Variants in TMEM17 observed in about 807,000 individuals in gnomAD.
TMEM17 encodes transmembrane protein 17.
In TMEM17, 15 loss-of-function variants were observed where a neutral mutation model predicts 19.1. That is an observed-to-expected ratio of 0.78 (90% CI 0.52 to 1.21). The LOEUF (loss-of-function observed/expected upper bound fraction) is 1.21. TMEM17 is among the 50% of genes most tolerant of loss of function. TMEM17 has a pLI of 0.00. For synonymous variants in TMEM17, 103 were observed against 86.9 expected (o/e 1.19, Z -1.03); for missense variants, 245 against 242.3 (o/e 1.01, Z -0.07).
chr2:62,482,614 G>T, the TMEM17 span, among the ~76,000 whole-genome samples: 3 of 152,142 alleles, frequency 2.0e-5, no homozygotes, highest in Non-Finnish European at 4.4e-5. Context: ...GATAGGCCTT[G>T]ACCCAGGCTG....
chr2:62,503,799 A>T (rs578163290), intron 1 of TMEM17, among the ~76,000 whole-genome samples: 1 of 152,372 alleles, frequency 6.6e-6, no homozygotes, highest in African/African-American at 2.4e-5. Context: ...AATATCAAAT[A>T]CACATAAGAA....
At chr2:62,455,042 T>C in the TMEM17 span, among the ~76,000 whole-genome samples, 2 of 152,180 alleles carry the variant, frequency 1.3e-5, no homozygotes, top group Non-Finnish European at 1.5e-5. Context: ...TTGCATATCA[T>C]AAAATTCATT....
the TMEM17 span, among the ~76,000 whole-genome samples, chr2:62,480,819 A>G: frequency 6.6e-6 from 1 of 152,098 alleles, no homozygotes; most frequent in Non-Finnish European, 1.5e-5. Flanking sequence ...AGCTTTGAAT[A>G]TTTGCAGGAC....
the TMEM17 span, among the ~76,000 whole-genome samples, chr2:62,458,290 G>T: frequency 1.3e-5 from 2 of 152,332 alleles, no homozygotes; most frequent in Middle Eastern, 3.4e-3. Flanking sequence ...GATGGAGCAC[G>T]ACAGGAAATG....
the TMEM17 span, among the ~76,000 whole-genome samples, chr2:62,492,609 CTCTGAGT>C: frequency 6.6e-6 from 1 of 152,222 alleles, no homozygotes; most frequent in African/African-American, 2.4e-5. Flanking sequence ...GAGGCAGGAG[CTCTGAGT>C]TCTAACAACT....
chr2:62,456,206 C>T, the TMEM17 span, among the ~76,000 whole-genome samples: 2 of 152,354 alleles, frequency 1.3e-5, no homozygotes, highest in East Asian at 3.9e-4. Flanking sequence ...GAAAGCAACA[C>T]ACATTTATTC....
the TMEM17 span, among the ~76,000 whole-genome samples, chr2:62,474,128 G>T: frequency 6.6e-5 from 10 of 152,180 alleles, no homozygotes; most frequent in Non-Finnish European, 1.5e-5. Flanking sequence ...TAAGAAGGGA[G>T]CTGCTGCGTT....
At chr2:62,475,170 T>TG in the TMEM17 span, among the ~76,000 whole-genome samples, 3 of 152,186 alleles carry the variant, frequency 2.0e-5, no homozygotes, top group African/African-American at 7.2e-5. Flanking sequence ...GTGTATTTCC[T>TG]GGGGTGTTTT....
intron 1 of TMEM17, among the ~76,000 whole-genome samples, chr2:62,503,876 A>G (rs1679997175): frequency 6.6e-6 from 1 of 152,248 alleles, no homozygotes; most frequent in Non-Finnish European, 1.5e-5. Context: ...CATGAGTTCC[A>G]TTTACCTAAG....
the TMEM17 span, among the ~76,000 whole-genome samples, chr2:62,466,162 A>C: frequency 6.6e-6 from 1 of 152,102 alleles, no homozygotes; most frequent in African/African-American, 2.4e-5. Context: ...GTTTTCTAGG[A>C]GTTTGGAATG....
chr2:62,491,147 C>T, the TMEM17 span: 3 of 144,458 alleles, frequency 2.1e-5, no homozygotes, highest in East Asian at 2.2e-4. Context: ...TCATAGAATC[C>T]TGTGCCTGCC....
intron 1 of TMEM17, among the ~76,000 whole-genome samples, chr2:62,503,072 A>C (rs1239508471): frequency 6.6e-6 from 1 of 152,224 alleles, no homozygotes; most frequent in African/African-American, 2.4e-5. Flanking sequence ...GTATAGATTT[A>C]ATGTAGAATA....
At chr2:62,462,356 C>T in the TMEM17 span, among the ~76,000 whole-genome samples, 1 of 152,172 alleles carries the variant, frequency 6.6e-6, no homozygotes, top group Non-Finnish European at 1.5e-5. Context: ...CAAGTTCCAG[C>T]CTTGTGTGAC....
chr2:62,501,279 T>C lies in TMEM17; in HGVS notation c.527A>G (p.Gln176Arg). Residue 176 changes from glutamine to arginine, a missense_variant, in exon 4 of 4, where the codon CAA (glutamine) becomes CGA (arginine). Coordinates refer to ENST00000335390, the MANE Select transcript of TMEM17 (RefSeq NM_198276.3). ...GTTTGCAGAGAGCCGGTCAAAGTCT[T>C]GGAGGTGGAAACGAACTGCCAACTG... ...VNQLAVRFHL[Q>R]DFDRLSANRG... The C allele has an allele frequency of 1.9e-6, 3 of 1,614,228 alleles. No homozygotes were observed. Among genetic ancestry groups the C allele is most frequent in the Non-Finnish European group, 1.7e-6 (2 of 1,180,036 alleles).
Position 62,506,133 on chromosome 2 carries a change from T to C in TMEM17, c.-4A>G. The C allele has an allele frequency of 6.2e-7, 1 of 1,605,234 alleles. No homozygotes were observed. Among genetic ancestry groups the C allele is most frequent in the Non-Finnish European group, 8.5e-7 (1 of 1,176,248 alleles). Reference sequence around the variant, plus strand: ...GCACCGGATCCGGCAGCTCCATGCCTGGGCCTCAGTATCCCTCACCCCCTC... The same window carrying C: ...GCACCGGATCCGGCAGCTCCATGCCCGGGCCTCAGTATCCCTCACCCCCTC... On this transcript the variant is annotated 5_prime_UTR_variant, in exon 1 of 4. Transcript: ENST00000335390.
At chr2:62,486,463 A>G in the TMEM17 span, among the ~76,000 whole-genome samples, 3 of 152,184 alleles carry the variant, frequency 2.0e-5, no homozygotes, top group African/African-American at 7.2e-5. Context: ...ATGTATGTGA[A>G]GTAGGAATGA....
chr2:62,479,016 A>G, the TMEM17 span, among the ~76,000 whole-genome samples: 1 of 152,202 alleles, frequency 6.6e-6, no homozygotes, highest in African/African-American at 2.4e-5. Context: ...ATGTATAGTG[A>G]TCAGGGTAAT....
chr2:62,486,978 T>G, the TMEM17 span, among the ~76,000 whole-genome samples: 1 of 152,136 alleles, frequency 6.6e-6, no homozygotes, highest in South Asian at 2.1e-4. Context: ...CTCAGTGTAT[T>G]TCACTCAGCT....
chr2:62,496,206 A>G (rs1279289315), downstream of TMEM17, among the ~76,000 whole-genome samples: 1 of 152,206 alleles, frequency 6.6e-6, no homozygotes, highest in Non-Finnish European at 1.5e-5. Flanking sequence ...TATTTTTAGA[A>G]TTGTGCGTGG....
Sources: gnomAD v4.1 joint callset for allele counts (sites outside exome capture counted in the v4.1 genomes callset) on GRCh38, gnomAD v4.1.1 for gene constraint, MANE v1.5 for transcripts, NCBI Gene and HGNC (gene_info 2026-07-23, HGNC 2026-07-21) for gene names.